LAPTM4B: variants seen among roughly 807,000 people sequenced by gnomAD.
LAPTM4B encodes lysosomal-associated transmembrane protein 4B.
In LAPTM4B, 26 loss-of-function variants were observed where a neutral mutation model predicts 28.5. That is an observed-to-expected ratio of 0.91 (90% CI 0.67 to 1.27). The LOEUF is 1.27. Ranked by LOEUF, LAPTM4B falls within the 50% of genes most tolerant of loss-of-function variation. The pLI is 0.00. For synonymous variants in LAPTM4B, 109 were observed against 106.4 expected (o/e 1.02, Z -0.15); for missense variants, 288 against 285.8 (o/e 1.01, Z -0.06).
Position 97,851,665 on chromosome 8 carries a change from T to G in LAPTM4B, c.*191T>G, listed in dbSNP as rs1365383270. The G allele has an allele frequency of 1.2e-5, 7 of 601,098 alleles. No homozygotes were observed. In the African/African-American group the frequency reaches 1.3e-4, roughly 11 times the overall value. 37.2% of individuals were successfully genotyped at this position (601,098 alleles called of 1,614,324 possible). ...GCTTTGCTGGAACACTGTGATAGATTAACTGTAGAATTCTTCCTGTACGAT... is the reference window on the plus strand; with the variant it reads ...GCTTTGCTGGAACACTGTGATAGATGAACTGTAGAATTCTTCCTGTACGAT... On this transcript the variant is annotated 3_prime_UTR_variant, in exon 7 of 7. Coordinates refer to ENST00000521545, the MANE Select transcript of LAPTM4B (RefSeq NM_018407.6).
At chr8:97,787,349 A>C (rs1333223586) in intron 1 of LAPTM4B, among the ~76,000 whole-genome samples, 1 of 148,526 alleles carries the variant, frequency 6.7e-6, no homozygotes, top group East Asian at 2.0e-4. Context: ...GCAGTGGTGC[A>C]ATCTCGGCTC....
intron 6 of LAPTM4B, among the ~76,000 whole-genome samples, chr8:97,850,054 C>T (rs1226731406): frequency 1.3e-5 from 2 of 151,882 alleles, no homozygotes; most frequent in African/African-American, 2.4e-5. Context: ...CCTCCCTAGC[C>T]GTGTCTCAGC....
At chr8:97,807,896 A>G (rs1156304741) in intron 2 of LAPTM4B, among the ~76,000 whole-genome samples, 8 of 151,810 alleles carry the variant, frequency 5.3e-5, no homozygotes, top group Non-Finnish European at 1.0e-4. Context: ...TTAAAAAAAA[A>G]AAAAAAAAAA....
At position 97,824,713 on chromosome 8, in the gene LAPTM4B, T is replaced by G. The variant is rs561045291; in HGVS notation, c.508-345T>G. Among the ~76,000 whole-genome samples the G allele has an allele frequency of 2.0e-5, 3 of 152,364 alleles. No individual in the cohort carries two copies. In the South Asian group the frequency reaches 6.2e-4, roughly 32 times the overall value. On this transcript the variant is annotated intron_variant, in intron 5 of 6. Transcript: ENST00000521545. The stretch of plus-strand genomic sequence containing the variant: ...TGAGTTAATACATTCGATTGTTCTG[T>G]GAATTCAGGAGCGATAATGTTAATT...
chr8:97,841,119 G>A (rs1010192571), intron 6 of LAPTM4B, among the ~76,000 whole-genome samples: 1 of 150,798 alleles, frequency 6.6e-6, no homozygotes, highest in African/African-American at 2.4e-5. Context: ...CAGCAGCCGG[G>A]CAGAGGGGCT....
chr8:97,795,905 A>G (rs1262568385), intron 1 of LAPTM4B, among the ~76,000 whole-genome samples: 1 of 151,658 alleles, frequency 6.6e-6, no homozygotes, highest in Non-Finnish European at 1.5e-5. Context: ...AGACAATGCA[A>G]GGACCTTAGC....
chr8:97,779,925 C>T (rs1211676123), intron 1 of LAPTM4B, among the ~76,000 whole-genome samples: 1 of 151,524 alleles, frequency 6.6e-6, no homozygotes, highest in African/African-American at 2.4e-5. Flanking sequence ...GTGGCAGGCA[C>T]CTGTAATCTC....
At position 97,852,458 on chromosome 8, in the gene LAPTM4B, C is replaced by A. The variant is rs574261634; in HGVS notation, c.*984C>A. ...AAATGAGGATTGCCTTCCTTGTATGCGCTTTTTACCTTGACTACCTGAATT... is the reference window on the plus strand; with the variant it reads ...AAATGAGGATTGCCTTCCTTGTATGAGCTTTTTACCTTGACTACCTGAATT... On this transcript the variant is annotated 3_prime_UTR_variant, in exon 7 of 7. Transcript: ENST00000521545. 1 of 152,188 alleles carries A rather than the reference C, an allele frequency of 6.6e-6. No individual in the cohort carries two copies. The highest frequency in any genetic ancestry group is 2.4e-5 in the African/African-American group (1 of 41,494). 9.4% of individuals were successfully genotyped at this position (152,188 alleles called of 1,614,324 possible).
chr8:97,777,711 G>A (rs1816248791), intron 1 of LAPTM4B, among the ~76,000 whole-genome samples: 1 of 152,158 alleles, frequency 6.6e-6, no homozygotes, highest in Non-Finnish European at 1.5e-5. Flanking sequence ...AGCGTGTGTG[G>A]GTTCTTACTG....
intron 6 of LAPTM4B, among the ~76,000 whole-genome samples, chr8:97,847,731 G>A (rs982385258): frequency 1.3e-5 from 2 of 152,204 alleles, no homozygotes; most frequent in African/African-American, 4.8e-5. Flanking sequence ...TAGATACAAA[G>A]ATGATGCTGC....
chr8:97,777,396 T>G (rs1816239278), intron 1 of LAPTM4B, among the ~76,000 whole-genome samples: 1 of 152,142 alleles, frequency 6.6e-6, no homozygotes, highest in East Asian at 1.9e-4. Context: ...TTCGCCCGCC[T>G]TGGACTCCCA....
chr8:97,778,939 A>G (rs1816267761), intron 1 of LAPTM4B, among the ~76,000 whole-genome samples: 1 of 152,138 alleles, frequency 6.6e-6, no homozygotes, highest in African/African-American at 2.4e-5. Context: ...AACTTTTTTA[A>G]GAGAGTTTGT....
chr8:97,786,925 G>T (rs1370890898), intron 1 of LAPTM4B, among the ~76,000 whole-genome samples: 1 of 152,082 alleles, frequency 6.6e-6, no homozygotes, highest in Non-Finnish European at 1.5e-5. Flanking sequence ...GAAGGTAGAA[G>T]TTTATTTCTT....
chr8:97,850,465 G>GGTGTGTGTGTGT (rs761478917), intron 6 of LAPTM4B, among the ~76,000 whole-genome samples: 2 of 37,850 alleles, frequency 5.3e-5, no homozygotes, highest in African/African-American at 4.0e-4. Flanking sequence ...GGAGAGGAGG[G>GGTGTGTGTGTGT]GTGTGTGTGT....
intron 1 of LAPTM4B, among the ~76,000 whole-genome samples, chr8:97,788,740 G>C (rs975788784): frequency 1.3e-5 from 2 of 151,368 alleles, no homozygotes; most frequent in East Asian, 3.9e-4. Flanking sequence ...TGTTGCCCAG[G>C]TTGGAGTGCA....
At chr8:97,787,197 G>A (rs1325649172) in intron 1 of LAPTM4B, among the ~76,000 whole-genome samples, 3 of 151,974 alleles carry the variant, frequency 2.0e-5, no homozygotes, top group Non-Finnish European at 2.9e-5. Flanking sequence ...ATGTGAAATG[G>A]AAAATGCACA....
At chr8:97,848,794 C>T (rs72673491) in intron 6 of LAPTM4B, among the ~76,000 whole-genome samples, 19,187 of 152,224 alleles carry the variant, frequency 0.13, 1,411 homozygotes, top group East Asian at 0.19. Flanking sequence ...ATTTCTGGTG[C>T]GGTCACAGCT....
At chr8:97,813,279 A>G (rs1816855849) in intron 2 of LAPTM4B, among the ~76,000 whole-genome samples, 1 of 152,248 alleles carries the variant, frequency 6.6e-6, no homozygotes, top group African/African-American at 2.4e-5. Context: ...GTGTAAGTCC[A>G]GGAGTCCAAA....
At position 97,839,954 on chromosome 8, in the gene LAPTM4B, A is replaced by G. The variant is rs557617118; in HGVS notation, c.604-11443A>G. Among the ~76,000 whole-genome samples, 51 of 152,264 alleles carry G rather than the reference A, an allele frequency of 3.3e-4. No homozygotes were observed. The South Asian group carries it at 0.011, about 32-fold the overall frequency. ...AGGTGAAATGGGAGTCTGAGATCCAAGGTCATGAGCAGTCCCTGCATCCCT... is the reference window on the plus strand; with the variant it reads ...AGGTGAAATGGGAGTCTGAGATCCAGGGTCATGAGCAGTCCCTGCATCCCT... On this transcript the variant is annotated intron_variant, in intron 6 of 6. Transcript: ENST00000521545.
Sources: allele counts gnomAD v4.1 joint callset (sites outside exome capture counted in the v4.1 genomes callset), GRCh38; gene constraint gnomAD v4.1.1; transcripts MANE v1.5; gene names NCBI Gene and HGNC (gene_info 2026-07-23, HGNC 2026-07-21).